Variants in GALNTL6 observed in about 807,000 individuals in gnomAD.
GALNTL6 encodes polypeptide N-acetylgalactosaminyltransferase-like 6.
Under a neutral mutation model 73.7 loss-of-function variants are expected in GALNTL6, and 46 were observed. The ratio of observed to expected loss-of-function variants is 0.62; its 90% CI spans 0.49 to 0.80. GALNTL6 has a LOEUF of 0.80. GALNTL6 is among the 30% of genes least tolerant of loss of function. GALNTL6 has a pLI of 0.00. For synonymous variants in GALNTL6, 259 were observed against 263.7 expected (o/e 0.98, Z 0.17); for missense variants, 604 against 755.0 (o/e 0.80, Z 2.34).
chr4:172,886,036 A>G (rs1029394366), intron 8 of GALNTL6, among the ~76,000 whole-genome samples: 7 of 152,214 alleles, frequency 4.6e-5, no homozygotes, highest in Non-Finnish European at 8.8e-5. Flanking sequence ...TAGTTTAGCT[A>G]TCAGGATAAT....
chr4:172,338,649 T>C (rs1377543351), intron 4 of GALNTL6, among the ~76,000 whole-genome samples: 4 of 152,148 alleles, frequency 2.6e-5, no homozygotes, highest in Admixed American at 1.3e-4. Flanking sequence ...GCTGGGTACA[T>C]ATATTTGAAC....
At chr4:172,380,711 T>C (rs571577889) in intron 5 of GALNTL6, among the ~76,000 whole-genome samples, 2 of 152,316 alleles carry the variant, frequency 1.3e-5, no homozygotes, top group African/African-American at 4.8e-5. Flanking sequence ...GAAAACATAT[T>C]CCATATAATT....
At chr4:172,665,111 G>A (rs1442709839) in intron 5 of GALNTL6, among the ~76,000 whole-genome samples, 1 of 152,142 alleles carries the variant, frequency 6.6e-6, no homozygotes, top group African/African-American at 2.4e-5. Flanking sequence ...AATAACACGA[G>A]CTAACCTCCT....
At chr4:172,864,312 C>T (rs1008102490) in intron 7 of GALNTL6, among the ~76,000 whole-genome samples, 12 of 152,256 alleles carry the variant, frequency 7.9e-5, no homozygotes, top group Admixed American at 6.5e-4. Context: ...ACACAGTAAC[C>T]CACTCATAGC....
At chr4:172,178,534 C>T (rs1423247746) in intron 2 of GALNTL6, among the ~76,000 whole-genome samples, 1 of 151,982 alleles carries the variant, frequency 6.6e-6, no homozygotes, top group Non-Finnish European at 1.5e-5. Flanking sequence ...GTTTTCTGTT[C>T]CTGTGTTTGT....
chr4:171,986,615 G>A (rs1740097739), intron 2 of GALNTL6, among the ~76,000 whole-genome samples: 1 of 152,146 alleles, frequency 6.6e-6, no homozygotes, highest in South Asian at 2.1e-4. Context: ...TGGGAACCTA[G>A]AGTGGGAGAG....
At chr4:172,777,499 G>T (rs573953404) in intron 5 of GALNTL6, among the ~76,000 whole-genome samples, 2 of 152,242 alleles carry the variant, frequency 1.3e-5, no homozygotes, top group African/African-American at 4.8e-5. Context: ...TTGTAAAGTT[G>T]AACTGTGAAT....
intron 3 of GALNTL6, among the ~76,000 whole-genome samples, chr4:172,246,798 C>A (rs757136824): frequency 1.4e-5 from 2 of 146,072 alleles, no homozygotes; most frequent in East Asian, 3.9e-4. Context: ...TGAAGCCAGG[C>A]GATTTATATA....
Position 171,924,161 on chromosome 4 carries a change from TA to T in GALNTL6, c.138+109451del, listed in dbSNP as rs201101346. On this transcript the variant is annotated intron_variant, in intron 2 of 12. Transcript: ENST00000506823. ...AAAAGAACTAAACACATAAATTGGT[TA>T]AAAAAAATACACCACACACATACAC... Among the ~76,000 whole-genome samples the T allele has an allele frequency of 1.8e-3, 261 of 142,230 alleles. 2 individuals carry two copies. The highest frequency in any genetic ancestry group is 0.013 in the Admixed American group (178 of 14,084). The allele number at this position is 142,230 out of a possible 152,430, so 93.3% of individuals were successfully genotyped here.
chr4:172,901,728 A>G lies in GALNTL6; in HGVS notation c.1041+18821A>G, dbSNP rs1439281939. 2.0e-5 allele frequency among the ~76,000 whole-genome samples: 3 copies of G among 152,340 alleles called. No homozygotes were observed. In the East Asian group the frequency reaches 5.8e-4, roughly 29 times the overall value. On this transcript the variant is annotated intron_variant, in intron 8 of 12. Coordinates refer to ENST00000506823, the MANE Select transcript of GALNTL6 (RefSeq NM_001034845.3). ...AGGACTGAGTTTTTGCTCAAACAGT[A>G]TTTGACTAGGAGTGCTCTTCAAATC...
At chr4:172,887,890 A>G (rs1343164116) in intron 8 of GALNTL6, among the ~76,000 whole-genome samples, 2 of 152,094 alleles carry the variant, frequency 1.3e-5, no homozygotes, top group Non-Finnish European at 2.9e-5. Flanking sequence ...AATAATAGCA[A>G]TTCTGACCGG....
At chr4:172,206,814 G>GTTTTTTTTT (rs796625697) in intron 2 of GALNTL6, among the ~76,000 whole-genome samples, 11 of 57,994 alleles carry the variant, frequency 1.9e-4, no homozygotes, top group African/African-American at 5.5e-4. Flanking sequence ...TGTTTTTTTT[G>GTTTTTTTTT]TTTGTTTTTT....
At chr4:171,854,929 A>T (rs1454262802) in intron 2 of GALNTL6, among the ~76,000 whole-genome samples, 2 of 152,188 alleles carry the variant, frequency 1.3e-5, no homozygotes, top group Non-Finnish European at 2.9e-5. Flanking sequence ...TTTCTATGGG[A>T]TCAGACATAA....
chr4:171,844,939 G>A (rs544589738), intron 2 of GALNTL6, among the ~76,000 whole-genome samples: 1 of 152,236 alleles, frequency 6.6e-6, no homozygotes, highest in South Asian at 2.1e-4. Flanking sequence ...ATGAAATAGT[G>A]TAGCCAGCCT....
chr4:172,477,767 CTT>C (rs1321336526), intron 5 of GALNTL6, among the ~76,000 whole-genome samples: 1 of 152,078 alleles, frequency 6.6e-6, no homozygotes, highest in East Asian at 1.9e-4. Flanking sequence ...GGCTGTGTCT[CTT>C]TGAAAATCAG....
intron 5 of GALNTL6, among the ~76,000 whole-genome samples, chr4:172,803,253 A>C (rs1286869220): frequency 6.6e-6 from 1 of 152,198 alleles, no homozygotes; most frequent in East Asian, 1.9e-4. Context: ...TGGCCACAGC[A>C]GGAGGCGAGC....
At chr4:172,577,016 C>T (rs766754760) in intron 5 of GALNTL6, among the ~76,000 whole-genome samples, 25 of 152,132 alleles carry the variant, frequency 1.6e-4, no homozygotes, top group Non-Finnish European at 2.4e-4. Context: ...TCCTGCCAAA[C>T]GGTCTCCACC....
At chr4:172,611,151 T>A (rs1001001275) in intron 5 of GALNTL6, among the ~76,000 whole-genome samples, 1 of 152,086 alleles carries the variant, frequency 6.6e-6, no homozygotes, top group African/African-American at 2.4e-5. Flanking sequence ...ACTCTGTGCC[T>A]ATTAAGTGGG....
chr4:172,462,944 A>G (rs1732669357), intron 5 of GALNTL6, among the ~76,000 whole-genome samples: 1 of 152,206 alleles, frequency 6.6e-6, no homozygotes, highest in Admixed American at 6.5e-5. Context: ...AATGTGTTGT[A>G]AAGAGTGAGT....
Sources: gnomAD v4.1 joint callset for allele counts (sites outside exome capture counted in the v4.1 genomes callset) on GRCh38, gnomAD v4.1.1 for gene constraint, MANE v1.5 for transcripts, NCBI Gene and HGNC (gene_info 2026-07-23, HGNC 2026-07-21) for gene names.